Variants in WASHC5 observed in about 807,000 individuals in gnomAD.
WASHC5 encodes WASH complex subunit strumpellin.
In WASHC5, 101 loss-of-function variants were observed where a neutral mutation model predicts 150.4. The ratio of observed to expected loss-of-function variants is 0.67; its 90% CI spans 0.57 to 0.79. The LOEUF (loss-of-function observed/expected upper bound fraction) is 0.79. Among genes scored for constraint, WASHC5 ranks in the 30% least tolerant of loss-of-function variants. WASHC5 has a pLI of 0.00. For synonymous variants in WASHC5, 467 were observed against 491.2 expected, an observed-to-expected ratio of 0.95 and a Z score of 0.65; for missense variants, 1,195 against 1,396.3, an observed-to-expected ratio of 0.86 and a Z score of 2.30.
intron 19 of WASHC5, among the ~76,000 whole-genome samples, chr8:125,048,060 C>A (rs1309430622): frequency 3.9e-5 from 6 of 152,168 alleles, no homozygotes. Context: ...TAATAATAGT[C>A]TCCCAGAAAT....
intron 18 of WASHC5, 66 bp from the exon 19 acceptor site, chr8:125,049,251 C>A: frequency 6.5e-7 from 1 of 1,539,050 alleles, no homozygotes; most frequent in South Asian, 1.1e-5. Flanking sequence ...GTTCTAATAT[C>A]TAACTAGACT....
intron 24 of WASHC5, among the ~76,000 whole-genome samples, chr8:125,039,262 A>G (rs1373254571): frequency 1.3e-5 from 2 of 152,206 alleles, no homozygotes; most frequent in African/African-American, 4.8e-5. Context: ...AGTGAGAAGC[A>G]CAGATTATTT....
At chr8:125,055,717 C>G (rs375894273) in intron 16 of WASHC5, 46 bp from the exon 17 acceptor site, 1 of 1,106,618 alleles carries the variant, frequency 9.0e-7, no homozygotes, top group East Asian at 2.4e-5. Context: ...TCTAATAGTC[C>G]TGGAATGAAC....
intron 12 of WASHC5, among the ~76,000 whole-genome samples, chr8:125,060,240 ACT>A (rs201491164): frequency 0.026 from 3,989 of 152,218 alleles, 181 homozygotes; most frequent in African/African-American, 0.092. Context: ...TAATCCCAGC[ACT>A]CTGAGAGCCC....
chr8:125,043,965 C>A (rs371156369), intron 22 of WASHC5, 27 bp downstream of exon 22: 1 of 1,439,678 alleles, frequency 6.9e-7, no homozygotes. Context: ...GTGTCATCCC[C>A]GCCTCAGGTA....
Position 125,078,850 on chromosome 8 carries a change from C to A in WASHC5, c.599G>T (p.Gly200Val), listed in dbSNP as rs1159762463. 1.2e-6 allele frequency: 2 copies of A among 1,613,802 alleles called. No individual in the cohort carries two copies. The highest frequency in any genetic ancestry group is 1.7e-5 in the Admixed American group (1 of 59,982). Reference sequence around the variant, plus strand: ...GGGATAGTTGGATGGTCTTTTGGCACCTGGTTGGCTAGAATAACCTGTACT... The same window carrying A: ...GGGATAGTTGGATGGTCTTTTGGCAACTGGTTGGCTAGAATAACCTGTACT... Reference protein sequence around the residue: ...LRSTGYSSQPGAKRPSNYPES... With the variant: ...LRSTGYSSQPVAKRPSNYPES... The change falls in exon 6 of 29, where the codon GGT (glycine) becomes GTT (valine). Residue 200 changes from glycine to valine, a missense_variant. This residue lies in a region of WASHC5 where 997 missense variants were observed against 1,168.1 expected (regional missense o/e 0.85). Coordinates refer to ENST00000318410, the MANE Select transcript of WASHC5 (RefSeq NM_014846.4).
At position 125,024,687 on chromosome 8, in the gene WASHC5, GAATTA is replaced by G. The variant is rs763391243; in HGVS notation, c.3424-19_3424-15del. 4.8e-5 allele frequency: 75 copies of G among 1,567,674 alleles called. No individual in the cohort carries two copies. The highest frequency in any genetic ancestry group is 3.4e-4 in the Middle Eastern group (2 of 5,910). On this transcript the variant is annotated splice_polypyrimidine_tract_variant and intron_variant, in intron 28 of 28. Coordinates refer to ENST00000318410, the MANE Select transcript of WASHC5 (RefSeq NM_014846.4). ...TGCTTCAGCAACCTGAAAAATTAAAGAATTAAATTATTCATGGTGTTATAGTTGAA... is the reference window on the plus strand; with the variant it reads ...TGCTTCAGCAACCTGAAAAATTAAAGAATTATTCATGGTGTTATAGTTGAA...
rs950427803 is a variant in WASHC5, at chr8:125,063,731, C to T, written c.1279-80G>A. 5.6e-5 allele frequency: 74 copies of T among 1,318,456 alleles called. No homozygotes were observed. In the African/African-American group the frequency reaches 9.0e-4, roughly 16 times the overall value. 81.7% of individuals were successfully genotyped at this position (1,318,456 alleles called of 1,614,324 possible). ...AGCTTATGAAGAGAGCTTGAGGAAACCCAATTTAAATTTTAAATAAGAAGC... is the reference window on the plus strand; with the variant it reads ...AGCTTATGAAGAGAGCTTGAGGAAATCCAATTTAAATTTTAAATAAGAAGC... On this transcript the variant is annotated intron_variant, in intron 10 of 28. Transcript: ENST00000318410.
At chr8:125,033,696 G>C (rs1020821127) in intron 26 of WASHC5, among the ~76,000 whole-genome samples, 8 of 151,994 alleles carry the variant, frequency 5.3e-5, no homozygotes, top group African/African-American at 1.9e-4. Context: ...TTACAGGCGT[G>C]TGCCACCACG....
chr8:125,024,727 A>C, intron 28 of WASHC5, 54 bp from the exon 29 acceptor site: 1 of 1,214,176 alleles, frequency 8.2e-7, no homozygotes, highest in Non-Finnish European at 1.2e-6. Flanking sequence ...ACAATTACAA[A>C]ATTTTCATAC....
chr8:125,044,307 T>C (rs1815989686), intron 21 of WASHC5, among the ~76,000 whole-genome samples: 1 of 152,226 alleles, frequency 6.6e-6, no homozygotes, highest in Non-Finnish European at 1.5e-5. Flanking sequence ...AAAAGTCTTA[T>C]CTTCCCAAGT....
At chr8:125,073,080 A>G (rs1055447416) in intron 9 of WASHC5, 73 bp downstream of exon 9, 2 of 1,491,206 alleles carry the variant, frequency 1.3e-6, no homozygotes, top group African/African-American at 2.8e-5. Flanking sequence ...ACCACTCTGC[A>G]TCGTGAAGTA....
chr8:125,067,756 T>G, intron 9 of WASHC5, 37 bp from the exon 10 acceptor site: 1 of 1,604,880 alleles, frequency 6.2e-7, no homozygotes, highest in South Asian at 1.1e-5. Flanking sequence ...TTACTAAATG[T>G]GTAGAAAATA....
chr8:125,058,042 C>T (rs16900296), intron 14 of WASHC5, among the ~76,000 whole-genome samples: 3,783 of 151,560 alleles, frequency 0.025, 150 homozygotes, highest in African/African-American at 0.087. Context: ...AAGAGCTACT[C>T]CTGTGTGGAA....
intron 12 of WASHC5, 60 bp from the exon 13 acceptor site, chr8:125,059,602 G>C: frequency 7.6e-7 from 1 of 1,317,776 alleles, no homozygotes; most frequent in Non-Finnish European, 1.1e-6. Flanking sequence ...GTGCTCATTT[G>C]TTCTTGAAAA....
chr8:125,088,765 G>A (rs76690869), intron 1 of WASHC5, among the ~76,000 whole-genome samples: 13 of 152,032 alleles, frequency 8.6e-5, no homozygotes, highest in Non-Finnish European at 1.3e-4. Context: ...CCTACCCTCC[G>A]GACCATAGAT....
At chr8:125,052,631 C>CAT (rs1484415640) in intron 17 of WASHC5, among the ~76,000 whole-genome samples, 1 of 151,598 alleles carries the variant, frequency 6.6e-6, no homozygotes, top group Non-Finnish European at 1.5e-5. Context: ...CACACACACA[C>CAT]ACACACACAT....
chr8:125,039,190 A>C (rs1407154712), intron 24 of WASHC5, among the ~76,000 whole-genome samples: 1 of 152,166 alleles, frequency 6.6e-6, no homozygotes, highest in African/African-American at 2.4e-5. Context: ...TCACCATTCA[A>C]ATTTTCATGT....
Position 125,039,986 on chromosome 8 carries a change from C to T in WASHC5, c.2851-88G>A, listed in dbSNP as rs968144869. On this transcript the variant is annotated intron_variant, in intron 23 of 28. Transcript: ENST00000318410. ...GGTAAACACAAAGATGACAATTCTT[C>T]ACTGGGCCTTCACATCACTCTACAG... 5 of 823,946 alleles carry T rather than the reference C, an allele frequency of 6.1e-6. No individual in the cohort carries two copies. In the African/African-American group the frequency reaches 8.4e-5, roughly 14 times the overall value. The allele number at this position is 823,946 out of a possible 1,614,324, so 51.0% of individuals were successfully genotyped here. A position where few individuals can be genotyped will look rare whatever the true frequency, so the allele number is the denominator to read the frequency against.
Sources: gnomAD v4.1 joint callset for allele counts (sites outside exome capture counted in the v4.1 genomes callset) on GRCh38, gnomAD v4.1.1 for gene constraint, gnomAD v4.1.1 regional missense constraint, MANE v1.5 for transcripts, NCBI Gene and HGNC (gene_info 2026-07-23, HGNC 2026-07-21) for gene names.